SGCD: variants seen among roughly 807,000 people sequenced by gnomAD.
The protein encoded by SGCD is delta-sarcoglycan.
In SGCD, 18 loss-of-function variants were observed where a neutral mutation model predicts 36.6. The ratio of observed to expected loss-of-function variants is 0.49; its 90% CI spans 0.34 to 0.73. The LOEUF is 0.73. SGCD is among the 30% of genes least tolerant of loss of function. SGCD has a pLI of 0.01. For synonymous variants in SGCD, 133 were observed against 130.6 expected, an observed-to-expected ratio of 1.02 and a Z score of -0.12; for missense variants, 387 against 346.7, an observed-to-expected ratio of 1.12 and a Z score of -0.92.
intron 1 of SGCD, among the ~76,000 whole-genome samples, chr5:156,041,708 G>GCCCAACA (rs1759638869): frequency 6.6e-6 from 1 of 152,184 alleles, no homozygotes; most frequent in Admixed American, 6.5e-5. Context: ...AGTGAGGCAT[G>GCCCAACA]TGTTGCAGGG....
At chr5:156,302,858 G>T (rs1184998935) in intron 3 of SGCD, among the ~76,000 whole-genome samples, 1 of 152,140 alleles carries the variant, frequency 6.6e-6, no homozygotes, top group Non-Finnish European at 1.5e-5. Context: ...CTGGAGCTGG[G>T]GGTGAGGTTA....
rs529830918 is a variant in SGCD at position 156,508,663 on chromosome 5, C to T, written c.255C>T (p.Phe85=). ...KGLKLEGDSE[F]LQPLYAKEIQ... ...TAAAGCTAGAAGGAGACTCTGAATT[C>T]TTACAACCTCTCTACGCCAAAGAAA... Residue 85 remains phenylalanine (F), a synonymous_variant, in exon 4 of 9, where the codon TTC becomes TTT. Transcript: ENST00000337851. 1 of 1,611,694 alleles carries T rather than the reference C, an allele frequency of 6.2e-7. No homozygotes were observed. The highest frequency in any genetic ancestry group is 1.1e-5 in the South Asian group (1 of 90,860).
At chr5:156,072,617 G>T (rs908369308) in intron 1 of SGCD, among the ~76,000 whole-genome samples, 2 of 152,058 alleles carry the variant, frequency 1.3e-5, no homozygotes, top group Non-Finnish European at 2.9e-5. Flanking sequence ...TCTTGGAGTT[G>T]TTCTTCTTGA....
At chr5:156,172,805 A>G (rs1225507456) in intron 3 of SGCD, among the ~76,000 whole-genome samples, 3 of 151,770 alleles carry the variant, frequency 2.0e-5, no homozygotes. Context: ...ATAATAATTT[A>G]TTATAAATTT....
chr5:156,738,444 C>T (rs1452180186), intron 7 of SGCD: 1 of 152,192 alleles, frequency 6.6e-6, no homozygotes, highest in East Asian at 1.9e-4. Context: ...GCTACTAAGG[C>T]ACAGTATTTA....
chr5:156,170,480 C>T (rs1763315965), intron 3 of SGCD, among the ~76,000 whole-genome samples: 5 of 152,132 alleles, frequency 3.3e-5, no homozygotes, highest in Admixed American at 3.3e-4. Context: ...ACTTTAGTTC[C>T]TATACCAGGG....
intron 1 of SGCD, among the ~76,000 whole-genome samples, chr5:156,046,843 G>T (rs978619349): frequency 3.9e-5 from 6 of 152,126 alleles, no homozygotes; most frequent in Non-Finnish European, 7.4e-5. Context: ...CACTAAAAAT[G>T]ATTAAGCTTA....
At chr5:156,412,284 A>G (rs1772802080) in intron 3 of SGCD, among the ~76,000 whole-genome samples, 1 of 152,222 alleles carries the variant, frequency 6.6e-6, no homozygotes, top group Admixed American at 6.5e-5. Context: ...CAGTTGACCA[A>G]ACTTTCAAGA....
chr5:155,880,024 A>G (rs920687292), intron 1 of SGCD, among the ~76,000 whole-genome samples: 1 of 152,164 alleles, frequency 6.6e-6, no homozygotes, highest in Admixed American at 6.5e-5. Flanking sequence ...ATATTTGTCT[A>G]GTGACTAAAT....
At chr5:156,179,253 G>C (rs976031367) in intron 3 of SGCD, among the ~76,000 whole-genome samples, 1 of 151,734 alleles carries the variant, frequency 6.6e-6, no homozygotes, top group Non-Finnish European at 1.5e-5. Flanking sequence ...TATCTGTGCT[G>C]CTTGGTTTTT....
intron 3 of SGCD, among the ~76,000 whole-genome samples, chr5:156,244,260 A>G (rs1271453333): frequency 6.6e-6 from 1 of 152,222 alleles, no homozygotes; most frequent in East Asian, 1.9e-4. Context: ...CCTGATAGTC[A>G]AGAAAAAAAA....
At chr5:156,106,309 G>A (rs1761647577) in intron 1 of SGCD, among the ~76,000 whole-genome samples, 1 of 151,998 alleles carries the variant, frequency 6.6e-6, no homozygotes, top group African/African-American at 2.4e-5. Context: ...CTAGCTGTGT[G>A]GAAACTGTGA....
At chr5:155,877,942 A>G (rs1755799240) in intron 1 of SGCD, among the ~76,000 whole-genome samples, 1 of 152,092 alleles carries the variant, frequency 6.6e-6, no homozygotes, top group Non-Finnish European at 1.5e-5. Flanking sequence ...TGAAAACTTA[A>G]TAAAGTCAGC....
At chr5:156,555,202 C>T in intron 4 of SGCD, among the ~76,000 whole-genome samples, 1 of 151,422 alleles carries the variant, frequency 6.6e-6, no homozygotes, top group African/African-American at 2.4e-5. Context: ...TGTCTTTTGC[C>T]CTGAAGTGTT....
At chr5:155,897,462 A>G (rs1218122838) in intron 1 of SGCD, among the ~76,000 whole-genome samples, 1 of 152,348 alleles carries the variant, frequency 6.6e-6, no homozygotes, top group Admixed American at 6.5e-5. Flanking sequence ...AGACTACACT[A>G]TAATTTTTAA....
intron 1 of SGCD, among the ~76,000 whole-genome samples, chr5:155,964,853 A>G (rs913615337): frequency 6.6e-6 from 1 of 152,112 alleles, no homozygotes; most frequent in East Asian, 1.9e-4. Context: ...CAGCTCTGCT[A>G]CATAAAGGTC....
chr5:155,792,575 C>T, the SGCD span, among the ~76,000 whole-genome samples: 1 of 151,068 alleles, frequency 6.6e-6, no homozygotes. Context: ...AAAAATTATC[C>T]AACTAAAAAA....
chr5:156,125,551 A>C (rs917972629), intron 3 of SGCD, among the ~76,000 whole-genome samples: 2 of 152,042 alleles, frequency 1.3e-5, no homozygotes, highest in African/African-American at 4.8e-5. Flanking sequence ...TGTAAGAGGG[A>C]GCATTTCAAA....
At chr5:156,269,080 C>T (rs1334217990) in intron 3 of SGCD, among the ~76,000 whole-genome samples, 1 of 152,026 alleles carries the variant, frequency 6.6e-6, no homozygotes, top group Non-Finnish European at 1.5e-5. Flanking sequence ...GCTGGGGAGG[C>T]CTCAGCATCA....
Sources: allele counts gnomAD v4.1 joint callset (sites outside exome capture counted in the v4.1 genomes callset), GRCh38; gene constraint gnomAD v4.1.1; transcripts MANE v1.5; gene names NCBI Gene and HGNC (gene_info 2026-07-23, HGNC 2026-07-21).